The following CAMK4 variants were observed in gnomAD, a reference collection of about 807,000 sequenced individuals.
The protein encoded by CAMK4 is calcium/calmodulin-dependent protein kinase type IV.
A neutral mutation model predicts 44.9 loss-of-function variants in CAMK4; 22 were observed. The ratio of observed to expected loss-of-function variants is 0.49; its 90% CI spans 0.35 to 0.70. The LOEUF is 0.70. Among genes scored for constraint, CAMK4 ranks in the 30% least tolerant of loss-of-function variants. CAMK4 has a pLI of 0.01. For missense variants in CAMK4, 498 were observed against 586.8 expected, an observed-to-expected ratio of 0.85 and a Z score of 1.56; for synonymous variants, 218 against 215.4, an observed-to-expected ratio of 1.01 and a Z score of -0.11.
intron 1 of CAMK4, among the ~76,000 whole-genome samples, chr5:111,300,108 C>T (rs1483435144): frequency 6.6e-6 from 1 of 151,954 alleles, no homozygotes; most frequent in Non-Finnish European, 1.5e-5. Context: ...AGAAAATGAC[C>T]AGAGAATGGA....
intron 5 of CAMK4, among the ~76,000 whole-genome samples, chr5:111,415,831 A>G (rs1016874442): frequency 1.3e-5 from 2 of 152,220 alleles, no homozygotes; most frequent in Admixed American, 1.3e-4. Context: ...AAAAATAATA[A>G]AGAATAACAA....
intron 1 of CAMK4, among the ~76,000 whole-genome samples, chr5:111,249,058 G>A (rs1749363813): frequency 6.6e-6 from 1 of 152,132 alleles, no homozygotes; most frequent in Non-Finnish European, 1.5e-5. Flanking sequence ...AATTAGAAAA[G>A]CACTGGCTCA....
rs113252376 is a variant in CAMK4 at position 111,394,999 on chromosome 5, A to G, written c.459+217A>G. On this transcript the variant is annotated intron_variant, in intron 5 of 10. Transcript: ENST00000282356. Reference sequence around the variant, plus strand: ...TGAGGCAGGCAGGTCACTTAAGGTCAGGAGTTCCAGACCAGCCTTGCCAAC... The same window carrying G: ...TGAGGCAGGCAGGTCACTTAAGGTCGGGAGTTCCAGACCAGCCTTGCCAAC... Among the ~76,000 whole-genome samples, 252 of 152,208 alleles carry G rather than the reference A, an allele frequency of 1.7e-3. 2 individuals are homozygous for G. The highest frequency in any genetic ancestry group is 5.7e-3 in the African/African-American group (236 of 41,544).
intron 5 of CAMK4, among the ~76,000 whole-genome samples, chr5:111,398,807 T>A (rs921942940): frequency 6.6e-6 from 1 of 152,128 alleles, no homozygotes; most frequent in Non-Finnish European, 1.5e-5. Flanking sequence ...CATTCAGCAA[T>A]TGTCTGCTAA....
chr5:111,309,084 TCAAA>T (rs1326741084), intron 1 of CAMK4, among the ~76,000 whole-genome samples: 2 of 152,150 alleles, frequency 1.3e-5, no homozygotes, highest in South Asian at 2.1e-4. Flanking sequence ...GTCTTTGAGT[TCAAA>T]CAAACAAAGC....
chr5:111,241,371 G>A (rs577765868), intron 1 of CAMK4, among the ~76,000 whole-genome samples: 1 of 152,100 alleles, frequency 6.6e-6, no homozygotes, highest in Admixed American at 6.5e-5. Context: ...GTCTGGATTT[G>A]TCTGTCATTT....
intron 5 of CAMK4, chr5:111,416,365 T>C (rs1294417512): frequency 6.6e-6 from 1 of 152,178 alleles, no homozygotes; most frequent in Non-Finnish European, 1.5e-5. Flanking sequence ...TTTTAGAATC[T>C]TCCACATCTC....
At chr5:111,316,606 G>A (rs1305611875) in intron 1 of CAMK4, among the ~76,000 whole-genome samples, 3 of 152,096 alleles carry the variant, frequency 2.0e-5, no homozygotes, top group Non-Finnish European at 2.9e-5. Context: ...CTCTACAGGC[G>A]TAGAGATAGT....
chr5:111,389,500 T>C (rs755291635), intron 4 of CAMK4, among the ~76,000 whole-genome samples: 2 of 152,196 alleles, frequency 1.3e-5, no homozygotes, highest in African/African-American at 2.4e-5. Flanking sequence ...TGAAGAGTGA[T>C]GATGCCTCTA....
chr5:111,474,195 A>G lies in CAMK4; in HGVS notation c.701+809A>G, dbSNP rs117264605. Among the ~76,000 whole-genome samples the G allele has an allele frequency of 6.5e-4, 99 of 152,364 alleles. 3 individuals carry two copies. The East Asian group carries it at 0.018, about 28-fold the overall frequency. ...AAAGTTAGTTGTTGGAATGCATAAT[A>G]TTCCAATTTAGAGAAATTTTGAAGG... On this transcript the variant is annotated intron_variant, in intron 8 of 10. Coordinates refer to ENST00000282356, the MANE Select transcript of CAMK4 (RefSeq NM_001744.6).
At chr5:111,312,322 A>C (rs1008409927) in intron 1 of CAMK4, among the ~76,000 whole-genome samples, 1 of 152,270 alleles carries the variant, frequency 6.6e-6, no homozygotes, top group South Asian at 2.1e-4. Context: ...TCAAGTTCCA[A>C]ATTTACCTCT....
rs568289120 is a variant in CAMK4 at position 111,487,268 on chromosome 5, A to C, written c.*2802A>C. On this transcript the variant is annotated 3_prime_UTR_variant, in exon 11 of 11. Transcript: ENST00000282356. ...ACATTTTAGAGCTAACACTTATCACATTACATTATGGGTTTTTATTTTGAG... is the reference window on the plus strand; with the variant it reads ...ACATTTTAGAGCTAACACTTATCACCTTACATTATGGGTTTTTATTTTGAG... 80 of 152,316 alleles carry C rather than the reference A, an allele frequency of 5.3e-4. No individual in the cohort carries two copies. Among genetic ancestry groups the C allele is most frequent in the Non-Finnish European group, 1.1e-3 (72 of 68,012 alleles). 9.4% of individuals were successfully genotyped at this position (152,316 alleles called of 1,614,324 possible).
chr5:111,330,782 A>G (rs1254075405), intron 1 of CAMK4, among the ~76,000 whole-genome samples: 1 of 151,728 alleles, frequency 6.6e-6, no homozygotes, highest in African/African-American at 2.4e-5. Flanking sequence ...AGGCGTTGGC[A>G]TAACAATAGA....
intron 1 of CAMK4, among the ~76,000 whole-genome samples, chr5:111,284,985 G>A (rs796943092): frequency 1.4e-4 from 22 of 152,288 alleles, no homozygotes; most frequent in African/African-American, 5.3e-4. Flanking sequence ...TATGTCATAT[G>A]CTACACATCC....
intron 1 of CAMK4, among the ~76,000 whole-genome samples, chr5:111,331,436 T>C (rs1333291018): frequency 6.6e-6 from 1 of 151,722 alleles, no homozygotes; most frequent in East Asian, 1.9e-4. Context: ...CATTTCCAAA[T>C]GTTGATGAAG....
chr5:111,340,407 G>T (rs1311417637), intron 1 of CAMK4, among the ~76,000 whole-genome samples: 1 of 151,168 alleles, frequency 6.6e-6, no homozygotes, highest in Non-Finnish European at 1.5e-5. Flanking sequence ...TACGTAATTT[G>T]TTGAGAGTTT....
intron 1 of CAMK4, among the ~76,000 whole-genome samples, chr5:111,309,226 C>T (rs765937145): frequency 6.6e-6 from 1 of 152,196 alleles, no homozygotes; most frequent in East Asian, 1.9e-4. Context: ...TAAGCATGTA[C>T]ACCAAACCAA....
intron 5 of CAMK4, among the ~76,000 whole-genome samples, chr5:111,433,774 C>G (rs1029734050): frequency 1.3e-5 from 2 of 152,170 alleles, no homozygotes; most frequent in Non-Finnish European, 2.9e-5. Flanking sequence ...GTAAGTAAGG[C>G]TGTGTGGCTA....
chr5:111,237,724 A>G (rs978053252), intron 1 of CAMK4, among the ~76,000 whole-genome samples: 1 of 152,228 alleles, frequency 6.6e-6, no homozygotes, highest in Non-Finnish European at 1.5e-5. Flanking sequence ...ATTTGTGGCT[A>G]TGTAACCAGT....
Sources: gnomAD v4.1 joint callset for allele counts (sites outside exome capture counted in the v4.1 genomes callset) on GRCh38, gnomAD v4.1.1 for gene constraint, MANE v1.5 for transcripts, NCBI Gene and HGNC (gene_info 2026-07-23, HGNC 2026-07-21) for gene names.